The following TRIM67 variants were observed in gnomAD, a reference collection of about 807,000 sequenced individuals.
The protein encoded by TRIM67 is tripartite motif-containing protein 67.
Under a neutral mutation model 71.0 loss-of-function variants are expected in TRIM67, and 39 were observed. That is an observed-to-expected ratio of 0.55 (90% CI 0.43 to 0.72). The LOEUF (loss-of-function observed/expected upper bound fraction) is 0.72. TRIM67 is among the 30% of genes least tolerant of loss of function. The pLI is 0.00. For missense variants in TRIM67, 973 were observed against 1,079.2 expected (o/e 0.90, Z 1.38); for synonymous variants, 481 against 473.9 (o/e 1.01, Z -0.19).
At chr1:231,191,314 C>T (rs1361651220) in intron 1 of TRIM67, among the ~76,000 whole-genome samples, 9 of 152,236 alleles carry the variant, frequency 5.9e-5, no homozygotes, top group African/African-American at 1.4e-4. Context: ...ATCCTCCCGC[C>T]TTGGCCTCCC....
rs1684102683 is a variant in TRIM67, at chr1:231,220,001, C to T, written c.*4561C>T. The stretch of plus-strand genomic sequence containing the variant: ...GTATGAGTGGGGGCCAATCTCTTAT[C>T]CTTTCTGTGCCTCAGTATCCCCACC... On this transcript the variant is annotated 3_prime_UTR_variant, in exon 10 of 10. Coordinates refer to ENST00000366653, the MANE Select transcript of TRIM67 (RefSeq NM_001004342.5). The T allele has an allele frequency of 1.6e-6, 2 of 1,261,198 alleles. No individual in the cohort carries two copies. The highest frequency in any genetic ancestry group is 2.1e-6 in the Non-Finnish European group (2 of 962,722). 78.1% of individuals were successfully genotyped at this position (1,261,198 alleles called of 1,614,324 possible). A position where few individuals can be genotyped will look rare whatever the true frequency, so the allele number is the denominator to read the frequency against.
intron 1 of TRIM67, among the ~76,000 whole-genome samples, chr1:231,177,567 A>G (rs1303877904): frequency 2.0e-5 from 3 of 152,232 alleles, no homozygotes; most frequent in Non-Finnish European, 2.9e-5. Context: ...TCTTCACGGA[A>G]GTGAGACTTG....
intron 8 of TRIM67, among the ~76,000 whole-genome samples, chr1:231,211,031 AAT>A (rs1553328726): frequency 2.9e-4 from 37 of 127,220 alleles, no homozygotes; most frequent in East Asian, 4.5e-4. Context: ...AAAAAAAAAA[AAT>A]ATATATATAT....
intron 1 of TRIM67, among the ~76,000 whole-genome samples, chr1:231,194,725 T>G (rs1683319665): frequency 6.6e-6 from 1 of 152,330 alleles, no homozygotes; most frequent in Non-Finnish European, 1.5e-5. Context: ...CTCTGTCACC[T>G]AGGCTGGAGC....
intron 3 of TRIM67, among the ~76,000 whole-genome samples, chr1:231,199,686 G>A (rs1683467344): frequency 6.6e-6 from 1 of 152,190 alleles, no homozygotes; most frequent in Non-Finnish European, 1.5e-5. Context: ...TGTCTGAGGA[G>A]CTCCATCTAT....
At chr1:231,200,468 T>C (rs1257401613) in intron 4 of TRIM67, among the ~76,000 whole-genome samples, 1 of 152,156 alleles carries the variant, frequency 6.6e-6, no homozygotes, top group Non-Finnish European at 1.5e-5. Context: ...AACGAGGAGG[T>C]GAAATGACAT....
At chr1:231,179,058 G>A (rs1443012442) in intron 1 of TRIM67, among the ~76,000 whole-genome samples, 1 of 152,182 alleles carries the variant, frequency 6.6e-6, no homozygotes, top group African/African-American at 2.4e-5. Flanking sequence ...GTTTGTTAAG[G>A]CTTCCATCAC....
rs530013540 is a variant in TRIM67, at chr1:231,176,833, T to G, written c.1044+12820T>G. 4.1e-5 allele frequency among the ~76,000 whole-genome samples: 6 copies of G among 144,792 alleles called. No homozygotes were observed. In the South Asian group the frequency reaches 6.4e-4, roughly 16 times the overall value. 95.0% of individuals were successfully genotyped at this position (144,792 alleles called of 152,430 possible). A position where few individuals can be genotyped will look rare whatever the true frequency, so the allele number is the denominator to read the frequency against. On this transcript the variant is annotated intron_variant, in intron 1 of 9. Coordinates refer to ENST00000366653, the MANE Select transcript of TRIM67 (RefSeq NM_001004342.5). The stretch of plus-strand genomic sequence containing the variant: ...TTTAAATTTCAGTGAAGAACAGGAA[T>G]AGCCAGGCTATAATCTTTTTGAATT...
chr1:231,167,906 G>A (rs1682520740), intron 1 of TRIM67, among the ~76,000 whole-genome samples: 1 of 151,898 alleles, frequency 6.6e-6, no homozygotes, highest in African/African-American at 2.4e-5. Context: ...CAAAGAACAT[G>A]GAGTCATAGT....
intron 1 of TRIM67, among the ~76,000 whole-genome samples, chr1:231,166,363 C>T (rs766954764): frequency 2.0e-5 from 3 of 152,176 alleles, no homozygotes; most frequent in Admixed American, 6.5e-5. Context: ...GGCTGGCAAT[C>T]AAAAGAAATG....
chr1:231,186,191 G>A, intron 1 of TRIM67: 1 of 1,527,944 alleles, frequency 6.5e-7, no homozygotes, highest in Non-Finnish European at 8.7e-7. Context: ...AATCACAGCA[G>A]TGGAACTCTT....
In TRIM67 at chr1:231,219,801, G is replaced by T. The variant is rs1166068643; in HGVS notation, c.*4361G>T. 4.7e-6 allele frequency: 6 copies of T among 1,266,188 alleles called. No individual in the cohort carries two copies. Among genetic ancestry groups the T allele is most frequent in the Non-Finnish European group, 6.1e-6 (6 of 976,090 alleles). 78.4% of individuals were successfully genotyped at this position (1,266,188 alleles called of 1,614,324 possible). On this transcript the variant is annotated 3_prime_UTR_variant, in exon 10 of 10. Coordinates refer to ENST00000366653, the MANE Select transcript of TRIM67 (RefSeq NM_001004342.5). ...TGCAAGTGAGCCGGTAGCTGTGTTT[G>T]TTGACCACATTCTTTGGCAGTTCCT... is the stretch of plus-strand genomic sequence containing the variant.
At chr1:231,185,087 AC>A (rs1652432277) in intron 1 of TRIM67, 1 of 1,532,938 alleles carries the variant, frequency 6.5e-7, no homozygotes, top group South Asian at 1.2e-5. Context: ...AGAGCAGGGC[AC>A]TTCGGTCACC....
At chr1:231,187,127 C>T (rs1037587295) in intron 1 of TRIM67, among the ~76,000 whole-genome samples, 1 of 152,052 alleles carries the variant, frequency 6.6e-6, no homozygotes, top group African/African-American at 2.4e-5. Context: ...TTGTTGGATC[C>T]CTCTTTATAT....
chr1:231,167,346 G>A (rs1282007097), intron 1 of TRIM67, among the ~76,000 whole-genome samples: 2 of 17,700 alleles, frequency 1.1e-4, no homozygotes, highest in Non-Finnish European at 2.0e-4. Flanking sequence ...TTTTTGAGAC[G>A]GAGTCTCGCT....
At chr1:231,192,968 T>C (rs1683272862) in intron 1 of TRIM67, among the ~76,000 whole-genome samples, 1 of 152,148 alleles carries the variant, frequency 6.6e-6, no homozygotes, top group Non-Finnish European at 1.5e-5. Context: ...TTGGTCTTCT[T>C]GCCAAGCAGG....
intron 1 of TRIM67, among the ~76,000 whole-genome samples, chr1:231,165,621 C>T (rs1682439377): frequency 6.6e-6 from 1 of 152,170 alleles, no homozygotes; most frequent in South Asian, 2.1e-4. Context: ...CCTAAAATAG[C>T]TTTGAGCTGA....
intron 1 of TRIM67, among the ~76,000 whole-genome samples, chr1:231,182,101 C>A (rs915244088): frequency 6.6e-6 from 1 of 152,176 alleles, no homozygotes; most frequent in Admixed American, 6.5e-5. Context: ...TATTTCATAT[C>A]AGGTGCAAAG....
chr1:231,215,810 A>G lies in TRIM67; in HGVS notation c.*370A>G. On this transcript the variant is annotated 3_prime_UTR_variant, in exon 10 of 10. Transcript: ENST00000366653. ...TGGAGGGAGAGGAAGGTAGACTTTG[A>G]GACTGGCCTCCTGAGAGCGGCAGTC... 9.6e-7 allele frequency: 1 copy of G among 1,038,308 alleles called. No individual in the cohort carries two copies. The highest frequency in any genetic ancestry group is 1.2e-6 in the Non-Finnish European group (1 of 864,770). 64.3% of individuals were successfully genotyped at this position (1,038,308 alleles called of 1,614,324 possible).
Sources: allele counts gnomAD v4.1 joint callset (sites outside exome capture counted in the v4.1 genomes callset), GRCh38; gene constraint gnomAD v4.1.1; transcripts MANE v1.5; gene names NCBI Gene and HGNC (gene_info 2026-07-23, HGNC 2026-07-21).